Variants in SIPA1L3 observed in about 807,000 individuals in gnomAD.
SIPA1L3 encodes the protein signal-induced proliferation-associated 1-like protein 3.
SIPA1L3 carries 59 observed loss-of-function variants against 150.1 expected under a neutral mutation model. The ratio of observed to expected loss-of-function variants is 0.39; its 90% CI spans 0.32 to 0.49. The LOEUF is 0.49. Among genes scored for constraint, SIPA1L3 ranks in the 20% least tolerant of loss-of-function variants. SIPA1L3 has a pLI of 0.86. For missense variants in SIPA1L3, 2,211 were observed against 2,489.5 expected, an observed-to-expected ratio of 0.89 and a Z score of 2.38; for synonymous variants, 1,070 against 1,077.6, an observed-to-expected ratio of 0.99 and a Z score of 0.14.
intron 4 of SIPA1L3, among the ~76,000 whole-genome samples, chr19:38,091,076 G>A (rs989391204): frequency 6.6e-6 from 1 of 152,196 alleles, no homozygotes; most frequent in Non-Finnish European, 1.5e-5. Context: ...GTGGTGAAAT[G>A]ACGCCTACAG....
At chr19:38,167,395 C>G (rs1470385869) in intron 15 of SIPA1L3, among the ~76,000 whole-genome samples, 1 of 152,090 alleles carries the variant, frequency 6.6e-6, no homozygotes, top group African/African-American at 2.4e-5. Flanking sequence ...TATTTGAAAA[C>G]CACTGTGTTT....
chr19:38,078,132 G>T (rs1278013196), intron 2 of SIPA1L3, among the ~76,000 whole-genome samples: 1 of 152,098 alleles, frequency 6.6e-6, no homozygotes, highest in Non-Finnish European at 1.5e-5. Context: ...CCTCTCTCCT[G>T]TCTCCCTTAG....
At chr19:38,076,880 T>C (rs1420297800) in intron 2 of SIPA1L3, among the ~76,000 whole-genome samples, 1 of 152,198 alleles carries the variant, frequency 6.6e-6, no homozygotes, top group Non-Finnish European at 1.5e-5. Flanking sequence ...TTACAAAATA[T>C]ATTTTTATCT....
At chr19:38,066,269 C>T (rs1457092634) in intron 2 of SIPA1L3, among the ~76,000 whole-genome samples, 2 of 152,100 alleles carry the variant, frequency 1.3e-5, no homozygotes, top group Non-Finnish European at 2.9e-5. Flanking sequence ...CCTCTTGCCT[C>T]AGCCTCCCAA....
intron 3 of SIPA1L3, among the ~76,000 whole-genome samples, chr19:38,085,466 T>C (rs58152231): frequency 0.18 from 23,275 of 127,186 alleles, 1,959 homozygotes; most frequent in African/African-American, 0.26. Flanking sequence ...GGCAACAGAG[T>C]GAGACTCCGT....
At chr19:38,057,615 A>G (rs1969349038) in intron 2 of SIPA1L3, among the ~76,000 whole-genome samples, 1 of 151,418 alleles carries the variant, frequency 6.6e-6, no homozygotes, top group Non-Finnish European at 1.5e-5. Flanking sequence ...ATTAATTTAC[A>G]GAAGTAGCAT....
At chr19:38,166,533 C>A (rs923607199) in intron 15 of SIPA1L3, among the ~76,000 whole-genome samples, 1 of 152,004 alleles carries the variant, frequency 6.6e-6, no homozygotes, top group Admixed American at 6.6e-5. Context: ...CACACACTGA[C>A]GTTCGGATGG....
intron 2 of SIPA1L3, among the ~76,000 whole-genome samples, chr19:38,030,798 T>G (rs989247857): frequency 2.6e-5 from 4 of 152,052 alleles, no homozygotes; most frequent in African/African-American, 9.7e-5. Context: ...CTGCATGTCA[T>G]TTCAGTTTGC....
intron 1 of SIPA1L3, among the ~76,000 whole-genome samples, chr19:37,956,315 G>C (rs1436729075): frequency 2.0e-5 from 3 of 152,032 alleles, no homozygotes; most frequent in Non-Finnish European, 4.4e-5. Flanking sequence ...ATCTTCTTTG[G>C]TGAAATATGT....
chr19:38,004,697 C>A (rs898023021), intron 1 of SIPA1L3, among the ~76,000 whole-genome samples: 1 of 152,128 alleles, frequency 6.6e-6, no homozygotes, highest in Non-Finnish European at 1.5e-5. Flanking sequence ...TTCCCCGAAC[C>A]AATCACTAAT....
intron 1 of SIPA1L3, among the ~76,000 whole-genome samples, chr19:37,927,237 G>A (rs1419211420): frequency 2.0e-5 from 3 of 147,142 alleles, no homozygotes; most frequent in South Asian, 2.2e-4. Flanking sequence ...TCCGCCTCCC[G>A]GGTTTAAGCA....
rs1004687953 is a variant in SIPA1L3, at chr19:38,094,518, C to T, written c.1666-5444C>T. On this transcript the variant is annotated intron_variant, in intron 4 of 21. Transcript: ENST00000222345. ...CTCCTCCTTTGGCTTCCCAAAATGC[C>T]GAGATTACAGGCATGAGCCACTGCA... Among the ~76,000 whole-genome samples, 11 of 152,110 alleles carry T rather than the reference C, an allele frequency of 7.2e-5. No individual in the cohort carries two copies. The South Asian group carries it at 1.7e-3, about 23-fold the overall frequency.
chr19:37,947,102 G>A (rs959980282), intron 1 of SIPA1L3, among the ~76,000 whole-genome samples: 2 of 152,186 alleles, frequency 1.3e-5, no homozygotes, highest in South Asian at 4.1e-4. Context: ...ACTGAGGTGG[G>A]AGGATTGCTT....
intron 6 of SIPA1L3, among the ~76,000 whole-genome samples, chr19:38,105,221 C>T (rs1170579014): frequency 6.6e-6 from 1 of 151,882 alleles, no homozygotes; most frequent in Non-Finnish European, 1.5e-5. Flanking sequence ...TAAAATTATC[C>T]AGGCATGGTG....
At chr19:38,014,029 C>T (rs776626162) in intron 1 of SIPA1L3, among the ~76,000 whole-genome samples, 2 of 152,254 alleles carry the variant, frequency 1.3e-5, no homozygotes, top group Non-Finnish European at 2.9e-5. Context: ...TCTTCCACGT[C>T]ACATGGCCTG....
At chr19:38,012,933 CCCTTCT>C (rs1280404374) in intron 1 of SIPA1L3, among the ~76,000 whole-genome samples, 1 of 152,126 alleles carries the variant, frequency 6.6e-6, no homozygotes, top group Non-Finnish European at 1.5e-5. Context: ...GTCCCCTGTT[CCCTTCT>C]GTGTCTTGTT....
At chr19:38,122,690 C>T (rs914022287) in intron 9 of SIPA1L3, among the ~76,000 whole-genome samples, 1 of 152,304 alleles carries the variant, frequency 6.6e-6, no homozygotes, top group South Asian at 2.1e-4. Context: ...CTTCTCTGAC[C>T]TCATGTCACT....
At chr19:38,088,580 A>G in intron 3 of SIPA1L3, 141 bp from the exon 4 acceptor site, 2 of 1,012,164 alleles carry the variant, frequency 2.0e-6, no homozygotes, top group South Asian at 3.3e-5. Flanking sequence ...GGTGTCTGTG[A>G]CCAGGCATGA....
intron 1 of SIPA1L3, among the ~76,000 whole-genome samples, chr19:38,013,706 CAAAT>C (rs1968163893): frequency 2.6e-5 from 4 of 152,134 alleles, no homozygotes; most frequent in Admixed American, 2.0e-4. Flanking sequence ...AAGAAAAAAA[CAAAT>C]AGCCTGAGTA....
Sources: gnomAD v4.1 joint callset for allele counts (sites outside exome capture counted in the v4.1 genomes callset) on GRCh38, gnomAD v4.1.1 for gene constraint, MANE v1.5 for transcripts, NCBI Gene and HGNC (gene_info 2026-07-23, HGNC 2026-07-21) for gene names.